Variants in HSPA12A observed in about 807,000 individuals in gnomAD.
The protein encoded by HSPA12A is heat shock protein family A (Hsp70) member 12A, also known as heat shock 70 kDa protein 12A.
In HSPA12A, 28 loss-of-function variants were observed where a neutral mutation model predicts 69.2. The observed-to-expected ratio is 0.40, with a 90% CI of 0.30 to 0.55. The LOEUF is 0.55. HSPA12A is among the 20% of genes least tolerant of loss of function. The pLI is 0.38. For missense variants in HSPA12A, 686 were observed against 900.7 expected (o/e 0.76, Z 3.05); for synonymous variants, 345 against 370.5 (o/e 0.93, Z 0.79).
At position 116,705,236 on chromosome 10, in the gene HSPA12A, C is replaced by A. The variant is rs782153649; in HGVS notation, c.169G>T (p.Val57Leu). Residue 57 changes from valine (V) to leucine (L), a missense_variant, in exon 3 of 12, where the codon GTG (valine) becomes TTG (leucine). Val to Leu is a conservative substitution (Grantham distance 32). Transcript: ENST00000369209. ...GTCCCAAAGTCGACGGCCACCACCA[C>A]GAGAAATGACTGCTGTTCTGAGACG... is the stretch of plus-strand genomic sequence containing the variant. Reference protein sequence around the residue: ...SNVSEQQSFLVVVAVDFGTTS... With the variant: ...SNVSEQQSFLLVVAVDFGTTS... The A allele has an allele frequency of 6.2e-7, 1 of 1,614,184 alleles. No homozygotes were observed. The highest frequency in any genetic ancestry group is 2.2e-5 in the East Asian group (1 of 44,864).
chr10:116,795,640 C>T (rs1187351035), intron 2 of HSPA12A, among the ~76,000 whole-genome samples: 18 of 141,128 alleles, frequency 1.3e-4, no homozygotes, highest in Admixed American at 1.1e-3. Context: ...GAGCCGAGAT[C>T]GTGCCACTGC....
At chr10:116,790,032 C>T (rs900743584) in intron 2 of HSPA12A, among the ~76,000 whole-genome samples, 2 of 149,736 alleles carry the variant, frequency 1.3e-5, no homozygotes, top group East Asian at 4.0e-4. Context: ...CACTGGAAAT[C>T]AATCCAAGGT....
chr10:116,707,188 C>T lies in HSPA12A; in HGVS notation c.126+12G>A, dbSNP rs1554882576. 1 of 1,568,878 alleles carries T rather than the reference C, an allele frequency of 6.4e-7. No homozygotes were observed. The highest frequency in any genetic ancestry group is 8.7e-7 in the Non-Finnish European group (1 of 1,147,910). ...ACACACACACACACACACACACACA[C>T]ACACTTCTTACCACAATATGGGAGG... On this transcript the variant is annotated intron_variant, in intron 2 of 11. Transcript: ENST00000369209.
At chr10:116,816,756 A>G (rs1221396105) in intron 2 of HSPA12A, among the ~76,000 whole-genome samples, 1 of 152,204 alleles carries the variant, frequency 6.6e-6, no homozygotes, top group Non-Finnish European at 1.5e-5. Context: ...GAGAAATACC[A>G]GAGGGTTAAA....
At chr10:116,849,056 A>G (rs1845966892) in intron 1 of HSPA12A, among the ~76,000 whole-genome samples, 1 of 152,072 alleles carries the variant, frequency 6.6e-6, no homozygotes, top group South Asian at 2.1e-4. Flanking sequence ...GAGCCCCTAC[A>G]TCCCTCCCCC....
At chr10:116,700,911 G>C in intron 4 of HSPA12A, 32 bp downstream of exon 4, 2 of 1,603,612 alleles carry the variant, frequency 1.2e-6, no homozygotes, top group East Asian at 2.2e-5. Flanking sequence ...TCCATTGCGG[G>C]GGACCTGGGC....
intron 2 of HSPA12A, among the ~76,000 whole-genome samples, chr10:116,789,560 A>C (rs1844656394): frequency 6.6e-6 from 1 of 152,152 alleles, no homozygotes; most frequent in Admixed American, 6.5e-5. Flanking sequence ...GTTGGTGAAC[A>C]CTCAAGCTGC....
At chr10:116,730,294 G>A (rs782137654) in intron 1 of HSPA12A, among the ~76,000 whole-genome samples, 1 of 152,184 alleles carries the variant, frequency 6.6e-6, no homozygotes, top group Non-Finnish European at 1.5e-5. Context: ...CCCGTGAAGT[G>A]CTGTGACCCA....
At chr10:116,825,200 A>T (rs1564832128) in intron 2 of HSPA12A, among the ~76,000 whole-genome samples, 1 of 150,564 alleles carries the variant, frequency 6.6e-6, no homozygotes, top group Non-Finnish European at 1.5e-5. Context: ...AAAAAAAAAA[A>T]TAAGTAAATT....
chr10:116,792,259 C>CAAA (rs55642476), intron 2 of HSPA12A, among the ~76,000 whole-genome samples: 23,554 of 60,356 alleles, frequency 0.39, 4,965 homozygotes, highest in Middle Eastern at 0.5. Flanking sequence ...AACTCGGTCT[C>CAAA]AAAAAAAAAA....
intron 4 of HSPA12A, among the ~76,000 whole-genome samples, chr10:116,700,285 A>G (rs960073371): frequency 1.7e-4 from 26 of 152,238 alleles, no homozygotes; most frequent in Admixed American, 1.7e-3. Context: ...TAAAATGCTT[A>G]ACTCAAAAAA....
intron 10 of HSPA12A, among the ~76,000 whole-genome samples, chr10:116,676,894 A>G (rs1041635218): frequency 2.0e-5 from 3 of 152,228 alleles, no homozygotes; most frequent in African/African-American, 7.2e-5. Context: ...TTACGGCTAC[A>G]CATGTGTGCG....
At chr10:116,796,883 C>G (rs945924742) in intron 2 of HSPA12A, among the ~76,000 whole-genome samples, 28 of 152,054 alleles carry the variant, frequency 1.8e-4, no homozygotes, top group Admixed American at 2.6e-4. Flanking sequence ...TGCAATCTGT[C>G]ATTTCCAAAC....
chr10:116,705,737 C>T (rs1471197153), intron 2 of HSPA12A, among the ~76,000 whole-genome samples: 1 of 152,202 alleles, frequency 6.6e-6, no homozygotes, highest in Non-Finnish European at 1.5e-5. Context: ...TCTGTGCTGG[C>T]ATTTCATGCA....
In HSPA12A at chr10:116,842,831, G is replaced by A. The variant is rs557669608; in HGVS notation, c.3+6735C>T. Among the ~76,000 whole-genome samples, 7 of 152,214 alleles carry A rather than the reference G, an allele frequency of 4.6e-5. No homozygotes were observed. In the East Asian group the frequency reaches 9.7e-4, roughly 21 times the overall value. ...TTGTCCAGGCTGGTTTTGAACTCCC[G>A]ATCCACCTGCCTCAGCCTCCCAAAG... On this transcript the variant is annotated intron_variant, in intron 1 of 12. Transcript: ENST00000635765.
chr10:116,687,359 G>T (rs1284404862), intron 6 of HSPA12A, among the ~76,000 whole-genome samples: 3 of 152,170 alleles, frequency 2.0e-5, no homozygotes, highest in Non-Finnish European at 4.4e-5. Flanking sequence ...GGCAGTGTCT[G>T]GGAGGCCTCG....
chr10:116,715,802 A>G (rs1850584089), intron 1 of HSPA12A, among the ~76,000 whole-genome samples: 1 of 152,354 alleles, frequency 6.6e-6, no homozygotes, highest in South Asian at 2.1e-4. Flanking sequence ...AAATGAATGA[A>G]CAAACCAATA....
chr10:116,824,604 C>A (rs1049606426), intron 2 of HSPA12A, among the ~76,000 whole-genome samples: 2 of 152,194 alleles, frequency 1.3e-5, no homozygotes, highest in African/African-American at 4.8e-5. Flanking sequence ...CAGTGGCTCA[C>A]GCCTGTAATC....
intron 2 of HSPA12A, among the ~76,000 whole-genome samples, chr10:116,777,252 T>A (rs1844359236): frequency 6.6e-6 from 1 of 152,364 alleles, no homozygotes; most frequent in African/African-American, 2.4e-5. Context: ...CCTTGGGAAC[T>A]TTACATGGAC....
Sources: allele counts gnomAD v4.1 joint callset (sites outside exome capture counted in the v4.1 genomes callset), GRCh38; gene constraint gnomAD v4.1.1; transcripts MANE v1.5; gene names NCBI Gene and HGNC (gene_info 2026-07-23, HGNC 2026-07-21).